Variants in USP15 observed in about 807,000 individuals in gnomAD.
USP15 encodes the protein ubiquitin carboxyl-terminal hydrolase 15.
Under a neutral mutation model 127.1 loss-of-function variants are expected in USP15, and 18 were observed. That is an observed-to-expected ratio of 0.14 (90% CI 0.10 to 0.21). The LOEUF is 0.21. Ranked by LOEUF, USP15 falls within the 10% of genes least tolerant of loss-of-function variation. The probability of loss-of-function intolerance (pLI) is 1.00; values close to 1 mark genes in which losing one functional copy is unlikely to be tolerated. For synonymous variants in USP15, 364 were observed against 393.7 expected, an observed-to-expected ratio of 0.92 and a Z score of 0.89; for missense variants, 805 against 1,159.9, an observed-to-expected ratio of 0.69 and a Z score of 4.44.
At chr12:62,368,017 C>G (rs2066534643) in intron 8 of USP15, among the ~76,000 whole-genome samples, 1 of 152,106 alleles carries the variant, frequency 6.6e-6, no homozygotes, top group Admixed American at 6.5e-5. Context: ...TATCTTTGTT[C>G]TCATTGGTTT....
chr12:62,368,039 T>C lies in USP15; in HGVS notation c.915+12564T>C, dbSNP rs184835129. ...GTTCTCATTGGTTTCAAAGAACATC[T>C]TTATTTCTGCCTTCATTTCATTATT... On this transcript the variant is annotated intron_variant, in intron 8 of 21. Transcript: ENST00000280377. Among the ~76,000 whole-genome samples, 444 of 152,312 alleles carry C rather than the reference T, an allele frequency of 2.9e-3. 6 individuals carry two copies. In the East Asian group the frequency reaches 0.044, roughly 15 times the overall value.
At chr12:62,391,750 C>A in intron 16 of USP15, 66 bp from the exon 17 acceptor site, 1 of 1,337,992 alleles carries the variant, frequency 7.5e-7, no homozygotes, top group Admixed American at 2.4e-5. Context: ...TATATCCTAA[C>A]ATTAAAATAT....
chr12:62,307,101 T>A (rs1035672625), intron 3 of USP15, among the ~76,000 whole-genome samples: 1 of 152,162 alleles, frequency 6.6e-6, no homozygotes, highest in East Asian at 1.9e-4. Context: ...TCTAATGGAA[T>A]GAACTCCAGT....
intron 11 of USP15, among the ~76,000 whole-genome samples, chr12:62,385,150 T>G (rs1592710637): frequency 6.6e-6 from 1 of 151,952 alleles, no homozygotes; most frequent in African/African-American, 2.4e-5. Flanking sequence ...ATTTCCAGCT[T>G]TTGTGGCTGG....
At chr12:62,351,284 C>A (rs1329127609) in intron 7 of USP15, among the ~76,000 whole-genome samples, 5 of 150,432 alleles carry the variant, frequency 3.3e-5, no homozygotes, top group African/African-American at 1.2e-4. Flanking sequence ...AATGTATGTG[C>A]ACAGGCCAAA....
chr12:62,408,875 G>A lies in USP15; in HGVS notation c.*4500G>A, dbSNP rs992800593. ...TGTATGTGTTTTACGTGTTTAATTC[G>A]TATTTACTATATATTAAAAGAATTT... On this transcript the variant is annotated 3_prime_UTR_variant, in exon 22 of 22. Transcript: ENST00000280377. 5.9e-5 allele frequency: 9 copies of A among 151,918 alleles called. No individual in the cohort carries two copies. Among genetic ancestry groups the A allele is most frequent in the South Asian group, 2.1e-4 (1 of 4,818 alleles). The allele number at this position is 151,918 out of a possible 1,614,324, so 9.4% of individuals were successfully genotyped here.
intron 6 of USP15, chr12:62,335,098 C>G (rs1185046162): frequency 1.3e-6 from 2 of 1,481,954 alleles, no homozygotes; most frequent in Non-Finnish European, 1.8e-6. Context: ...TAGTTTAATT[C>G]TAGGTAAGTG....
At position 62,408,490 on chromosome 12, in the gene USP15, T is replaced by C. The variant is rs2067947169; in HGVS notation, c.*4115T>C. 1 of 152,098 alleles carries C rather than the reference T, an allele frequency of 6.6e-6. No individual in the cohort carries two copies. The allele number at this position is 152,098 out of a possible 1,614,324, so 9.4% of individuals were successfully genotyped here. A position where few individuals can be genotyped will look rare whatever the true frequency, so the allele number is the denominator to read the frequency against. On this transcript the variant is annotated 3_prime_UTR_variant, in exon 22 of 22. Transcript: ENST00000280377. ...GAGGAGTGAGAAGGAAAGGAAGAGC[T>C]CCTTTCTAGGGCCATAGAATAAGAG...
chr12:62,357,809 C>G (rs1314135986), intron 8 of USP15, among the ~76,000 whole-genome samples: 1 of 152,042 alleles, frequency 6.6e-6, no homozygotes, highest in Admixed American at 6.6e-5. Context: ...GATGTCAGCT[C>G]TCGAGCTGAA....
chr12:62,306,495 G>A (rs2064486770), intron 3 of USP15, among the ~76,000 whole-genome samples: 1 of 152,226 alleles, frequency 6.6e-6, no homozygotes, highest in African/African-American at 2.4e-5. Flanking sequence ...GTAGAAAGTG[G>A]TCTTTGTTAT....
intron 1 of USP15, among the ~76,000 whole-genome samples, chr12:62,286,842 C>T (rs1412421445): frequency 6.6e-6 from 1 of 151,296 alleles, no homozygotes; most frequent in African/African-American, 2.4e-5. Context: ...AAGGCTGAGG[C>T]AGGGGAATCG....
chr12:62,351,299 AAG>A (rs2065960247), intron 7 of USP15, among the ~76,000 whole-genome samples: 1 of 151,616 alleles, frequency 6.6e-6, no homozygotes, highest in South Asian at 2.1e-4. Flanking sequence ...GCCAAAAAAA[AAG>A]AGTGAAAATA....
Position 62,407,830 on chromosome 12 carries a change from C to T in USP15, c.*3455C>T, listed in dbSNP as rs925663915. On this transcript the variant is annotated 3_prime_UTR_variant, in exon 22 of 22. Transcript: ENST00000280377. The stretch of plus-strand genomic sequence containing the variant: ...AATCATAGTTCACTGTAACCTTGAA[C>T]TCCTGGGTTAAAGTGATCCTCCTGC... 1 of 152,118 alleles carries T rather than the reference C, an allele frequency of 6.6e-6. No homozygotes were observed. Among genetic ancestry groups the T allele is most frequent in the African/African-American group, 2.4e-5 (1 of 41,424 alleles). 9.4% of individuals were successfully genotyped at this position (152,118 alleles called of 1,614,324 possible).
chr12:62,368,011 T>G (rs866499294), intron 8 of USP15, among the ~76,000 whole-genome samples: 1 of 152,346 alleles, frequency 6.6e-6, no homozygotes, highest in Middle Eastern at 3.4e-3. Flanking sequence ...ACGTTGTATC[T>G]TTGTTCTCAT....
intron 1 of USP15, among the ~76,000 whole-genome samples, chr12:62,276,544 TTATATGAGATATCACTCATATAAAATCA>T (rs1220189925): frequency 6.6e-6 from 1 of 152,150 alleles, no homozygotes; most frequent in Non-Finnish European, 1.5e-5. Flanking sequence ...GCTTTTCCTT[TTATATGAGATATCACTCATATAAAATCA>T]TATATGAGAT....
At chr12:62,288,963 T>C (rs1408543791) in intron 1 of USP15, among the ~76,000 whole-genome samples, 1 of 152,240 alleles carries the variant, frequency 6.6e-6, no homozygotes, top group Non-Finnish European at 1.5e-5. Flanking sequence ...TGTATTATCT[T>C]TTCGAATGCT....
At chr12:62,279,678 T>C (rs911759241) in intron 1 of USP15, among the ~76,000 whole-genome samples, 4 of 152,166 alleles carry the variant, frequency 2.6e-5, no homozygotes, top group Non-Finnish European at 4.4e-5. Flanking sequence ...TGAGGTGATA[T>C]CTCATTGTGG....
At chr12:62,393,498 T>C (rs1373656101) in intron 19 of USP15, 5 of 212,612 alleles carry the variant, frequency 2.4e-5, no homozygotes, top group Non-Finnish European at 4.6e-5. Flanking sequence ...AAATCTAAGA[T>C]ACTTTATGGT....
rs578120590 is a variant in USP15 at position 62,335,624 on chromosome 12, A to G, written c.683+9691A>G. The G allele has an allele frequency of 8.1e-6, 8 of 991,446 alleles. No homozygotes were observed. In the African/African-American group the frequency reaches 1.4e-4, roughly 17 times the overall value. The allele number at this position is 991,446 out of a possible 1,614,324, so 61.4% of individuals were successfully genotyped here. On this transcript the variant is annotated intron_variant, in intron 6 of 21. Transcript: ENST00000280377. ...TTATTTTTATTTCTTTTCTAATGTC[A>G]TCTTCCCCCTCAGCCTATGAATATA...
Sources: gnomAD v4.1 joint callset for allele counts (sites outside exome capture counted in the v4.1 genomes callset) on GRCh38, gnomAD v4.1.1 for gene constraint, MANE v1.5 for transcripts, NCBI Gene and HGNC (gene_info 2026-07-23, HGNC 2026-07-21) for gene names.